Variants in TSHZ3 observed in about 807,000 individuals in gnomAD.
TSHZ3 encodes teashirt zinc finger homeobox 3.
In TSHZ3, 10 loss-of-function variants were observed where a neutral mutation model predicts 64.5. That is an observed-to-expected ratio of 0.16 (90% CI 0.10 to 0.26). The LOEUF is 0.26. TSHZ3 is among the 10% of genes least tolerant of loss of function. TSHZ3 has a pLI of 1.00. For missense variants in TSHZ3, 1,242 were observed against 1,421.7 expected (o/e 0.87, Z 2.03); for synonymous variants, 608 against 593.1 (o/e 1.03, Z -0.36).
intron 5 of TSHZ3, among the ~76,000 whole-genome samples, chr19:31,171,366 T>C (rs1027062235): frequency 6.6e-6 from 1 of 152,106 alleles, no homozygotes; most frequent in Non-Finnish European, 1.5e-5. Context: ...GCCCAGGAGA[T>C]GGGAGATGAG....
At chr19:31,235,670 C>CTTCT (rs1374724225) in intron 3 of TSHZ3, among the ~76,000 whole-genome samples, 6 of 58,824 alleles carry the variant, frequency 1.0e-4, no homozygotes, top group Admixed American at 7.0e-4. Flanking sequence ...CTATTTCTTT[C>CTTCT]TTCTTTCTTT....
At chr19:31,252,449 G>A (rs1199260999) in intron 1 of TSHZ3, among the ~76,000 whole-genome samples, 2 of 152,102 alleles carry the variant, frequency 1.3e-5, no homozygotes, top group Non-Finnish European at 2.9e-5. Context: ...ATATGGTTTG[G>A]CTCCATGTCC....
rs1976234719 is a variant in TSHZ3, at chr19:31,276,490, G to GTGCCTTCCACAGTTTCCCTCAAAGC, written c.*32_*56dup. 6.8e-7 allele frequency: 1 copy of GTGCCTTCCACAGTTTCCCTCAAAGC among 1,474,592 alleles called. No individual in the cohort carries two copies. Among genetic ancestry groups the GTGCCTTCCACAGTTTCCCTCAAAGC allele is most frequent in the African/African-American group, 1.4e-5 (1 of 70,960 alleles). 91.3% of individuals were successfully genotyped at this position (1,474,592 alleles called of 1,614,324 possible). ...ACAACAAGTCAGAGGGGGCCTGAAG[G>GTGCCTTCCACAGTTTCCCTCAAAGC]TGCCTTCCACAGTTTCCCTCAAAGC... is the stretch of plus-strand genomic sequence containing the variant. On this transcript the variant is annotated 3_prime_UTR_variant, in exon 2 of 2. Transcript: ENST00000240587.
At chr19:31,254,920 G>A (rs1156883754) in intron 1 of TSHZ3, among the ~76,000 whole-genome samples, 1 of 152,190 alleles carries the variant, frequency 6.6e-6, no homozygotes, top group Non-Finnish European at 1.5e-5. Flanking sequence ...CTATCACCTG[G>A]CCAGCATCTG....
intron 1 of TSHZ3, among the ~76,000 whole-genome samples, chr19:31,286,111 C>T (rs1436494487): frequency 3.9e-5 from 6 of 152,122 alleles, no homozygotes; most frequent in African/African-American, 1.2e-4. Flanking sequence ...TGGCTGCACC[C>T]GCTTCCCCAC....
chr19:31,323,075 C>A (rs1916820887), intron 1 of TSHZ3, among the ~76,000 whole-genome samples: 1 of 152,140 alleles, frequency 6.6e-6, no homozygotes, highest in Non-Finnish European at 1.5e-5. Context: ...TGGCAACCTG[C>A]TTTTTTCACG....
chr19:31,191,883 T>C (rs1974914872), intron 5 of TSHZ3, among the ~76,000 whole-genome samples: 1 of 152,194 alleles, frequency 6.6e-6, no homozygotes. Context: ...AGATAAATTT[T>C]ATTTAAAAAA....
At chr19:31,259,823 C>T (rs1435922908) in intron 1 of TSHZ3, among the ~76,000 whole-genome samples, 1 of 152,032 alleles carries the variant, frequency 6.6e-6, no homozygotes, top group Non-Finnish European at 1.5e-5. Flanking sequence ...CTCTAAGAAC[C>T]CTCAAATCAT....
intron 1 of TSHZ3, among the ~76,000 whole-genome samples, chr19:31,252,652 G>T (rs1311184848): frequency 2.0e-5 from 3 of 152,270 alleles, no homozygotes; most frequent in Non-Finnish European, 4.4e-5. Flanking sequence ...TGAAGAAGTT[G>T]CCTGCTTCCC....
intron 1 of TSHZ3, among the ~76,000 whole-genome samples, chr19:31,307,669 A>C (rs1916339866): frequency 6.6e-6 from 1 of 152,222 alleles, no homozygotes; most frequent in Non-Finnish European, 1.5e-5. Context: ...AGGAAATAAT[A>C]GCCATTTCCA....
chr19:31,202,553 T>G (rs936416814), intron 5 of TSHZ3, among the ~76,000 whole-genome samples: 2 of 152,218 alleles, frequency 1.3e-5, no homozygotes, highest in Non-Finnish European at 2.9e-5. Flanking sequence ...AATTTTTTAT[T>G]ACCCAATCAT....
At chr19:31,313,974 G>A (rs138397617) in intron 1 of TSHZ3, among the ~76,000 whole-genome samples, 360 of 152,278 alleles carry the variant, frequency 2.4e-3, no homozygotes, top group African/African-American at 8.4e-3. Flanking sequence ...CCTTCATCTC[G>A]GGTAATGACG....
chr19:31,269,700 A>C (rs1195789349), intron 1 of TSHZ3, among the ~76,000 whole-genome samples: 2 of 152,252 alleles, frequency 1.3e-5, no homozygotes, highest in African/African-American at 4.8e-5. Context: ...TGGAAGAAAA[A>C]AATGAAAGTG....
intron 5 of TSHZ3, among the ~76,000 whole-genome samples, chr19:31,157,235 A>C (rs1974316687): frequency 6.6e-6 from 1 of 152,242 alleles, no homozygotes; most frequent in Non-Finnish European, 1.5e-5. Context: ...TCACTAGAAC[A>C]GTAGATAAAA....
chr19:31,213,393 C>CAAAAAAAAAAA (rs1555726864), intron 4 of TSHZ3, among the ~76,000 whole-genome samples: 2 of 34,200 alleles, frequency 5.8e-5, no homozygotes, highest in Admixed American at 3.3e-4. Context: ...AAAAAAAAAT[C>CAAAAAAAAAAA]AGTGGTGTCC....
intron 4 of TSHZ3, among the ~76,000 whole-genome samples, chr19:31,210,517 C>T (rs2145159156): frequency 6.6e-6 from 1 of 152,216 alleles, no homozygotes; most frequent in South Asian, 2.1e-4. Flanking sequence ...CCTCAGGCTG[C>T]TTCCAGGAGC....
chr19:31,259,352 C>T (rs10418408), intron 1 of TSHZ3, among the ~76,000 whole-genome samples: 1 of 152,096 alleles, frequency 6.6e-6, no homozygotes, highest in African/African-American at 2.4e-5. Flanking sequence ...TCATTGTACT[C>T]TTTTTCAATC....
intron 1 of TSHZ3, among the ~76,000 whole-genome samples, chr19:31,330,984 CA>C (rs1165465983): frequency 6.6e-6 from 1 of 152,168 alleles, no homozygotes; most frequent in Non-Finnish European, 1.5e-5. Context: ...CAGGGCCTGC[CA>C]GGCAAATTCT....
intron 1 of TSHZ3, among the ~76,000 whole-genome samples, chr19:31,338,690 T>C (rs1057020193): frequency 2.6e-5 from 4 of 151,648 alleles, no homozygotes; most frequent in Admixed American, 2.6e-4. Flanking sequence ...ACGTGACTGC[T>C]TCTGTGGGGG....
Sources: allele counts gnomAD v4.1 joint callset (sites outside exome capture counted in the v4.1 genomes callset), GRCh38; gene constraint gnomAD v4.1.1; transcripts MANE v1.5; gene names NCBI Gene and HGNC (gene_info 2026-07-23, HGNC 2026-07-21).